Variants in DNER observed in about 807,000 individuals in gnomAD.
DNER encodes the protein delta and Notch-like epidermal growth factor-related receptor.
DNER carries 33 observed loss-of-function variants against 78.2 expected under a neutral mutation model. The observed-to-expected ratio is 0.42, with a 90% CI of 0.32 to 0.56. The LOEUF is 0.56. Ranked by LOEUF, DNER falls within the 20% of genes least tolerant of loss-of-function variation. The probability of loss-of-function intolerance (pLI) is 0.11; values close to 1 mark genes in which losing one functional copy is unlikely to be tolerated. For missense variants in DNER, 918 were observed against 975.3 expected (o/e 0.94, Z 0.78); for synonymous variants, 417 against 384.8 (o/e 1.08, Z -0.98).
chr2:229,606,665 G>T (rs1448197877), intron 1 of DNER, among the ~76,000 whole-genome samples: 1 of 152,136 alleles, frequency 6.6e-6, no homozygotes, highest in Non-Finnish European at 1.5e-5. Context: ...GGCCAAGGCA[G>T]GAGGATCACT....
At chr2:229,390,587 G>A (rs887194523) in intron 10 of DNER, among the ~76,000 whole-genome samples, 3 of 151,988 alleles carry the variant, frequency 2.0e-5, no homozygotes, top group African/African-American at 7.2e-5. Context: ...GAGATGGTGG[G>A]GAAAAAAATA....
At chr2:229,526,987 C>T (rs945329048) in intron 5 of DNER, among the ~76,000 whole-genome samples, 10 of 151,938 alleles carry the variant, frequency 6.6e-5, no homozygotes, top group African/African-American at 1.7e-4. Flanking sequence ...CTACGGTCCT[C>T]GGTGTGGAAG....
At chr2:229,614,788 A>G (rs1432941431) in intron 1 of DNER, among the ~76,000 whole-genome samples, 1 of 152,178 alleles carries the variant, frequency 6.6e-6, no homozygotes, top group Non-Finnish European at 1.5e-5. Context: ...CACTTTCCTC[A>G]TGGCTGGTTA....
rs115199456 is a variant in DNER, at chr2:229,708,525, T to C, written c.276+5623A>G. On this transcript the variant is annotated intron_variant, in intron 1 of 12. Transcript: ENST00000341772. ...GTTTTCTGTTTGGTGGGGGCAGGAT[T>C]CTGCAGTCACTGCCTCTGGGTTAAG... Among the ~76,000 whole-genome samples, 1,396 of 152,298 alleles carry C rather than the reference T, an allele frequency of 9.2e-3. 21 individuals are homozygous for C. The highest frequency in any genetic ancestry group is 0.032 in the African/African-American group (1,325 of 41,560).
At chr2:229,397,060 T>C (rs1178194260) in intron 10 of DNER, among the ~76,000 whole-genome samples, 2 of 152,062 alleles carry the variant, frequency 1.3e-5, no homozygotes, top group Non-Finnish European at 2.9e-5. Flanking sequence ...TAAAACCTAG[T>C]AATAAAGGAA....
intron 5 of DNER, among the ~76,000 whole-genome samples, chr2:229,532,998 G>A (rs1696334574): frequency 6.6e-6 from 1 of 152,148 alleles, no homozygotes; most frequent in Non-Finnish European, 1.5e-5. Flanking sequence ...AAGATGGGGA[G>A]TTTGTCAAAT....
In DNER at chr2:229,509,203, C is replaced by T. The variant is rs145248824; in HGVS notation, c.1147+3580G>A. On this transcript the variant is annotated intron_variant, in intron 6 of 12. Coordinates refer to ENST00000341772, the MANE Select transcript of DNER (RefSeq NM_139072.4). ...AAAAAAGATGAATCCCCTTTGAGAA[C>T]AAACCTAGATAAAAAATATCAAACT... is the stretch of plus-strand genomic sequence containing the variant. Among the ~76,000 whole-genome samples the T allele has an allele frequency of 2.0e-4, 31 of 152,252 alleles. No individual in the cohort carries two copies. In the East Asian group the frequency reaches 6.0e-3, roughly 29 times the overall value.
intron 1 of DNER, among the ~76,000 whole-genome samples, chr2:229,704,570 A>G (rs1574576135): frequency 2.6e-5 from 4 of 151,484 alleles, no homozygotes; most frequent in South Asian, 4.2e-4. Context: ...TCTCAAAAGC[A>G]TTATGTTCAG....
chr2:229,514,132 G>A (rs1306790998), intron 5 of DNER, among the ~76,000 whole-genome samples: 1 of 152,056 alleles, frequency 6.6e-6, no homozygotes, highest in Non-Finnish European at 1.5e-5. Flanking sequence ...TTATGTTTTT[G>A]TAGCTATTGA....
At chr2:229,454,699 T>C (rs1430640421) in intron 7 of DNER, among the ~76,000 whole-genome samples, 1 of 151,950 alleles carries the variant, frequency 6.6e-6, no homozygotes, top group East Asian at 1.9e-4. Flanking sequence ...AAAGGCCCAC[T>C]GCTATTAAAT....
chr2:229,499,353 G>A (rs1055953132), intron 6 of DNER, among the ~76,000 whole-genome samples: 2 of 149,324 alleles, frequency 1.3e-5, no homozygotes, highest in Non-Finnish European at 3.0e-5. Flanking sequence ...TTTGAGGCAG[G>A]AGAATCGCTT....
At chr2:229,544,845 T>C (rs1448510983) in intron 5 of DNER, among the ~76,000 whole-genome samples, 2 of 152,186 alleles carry the variant, frequency 1.3e-5, no homozygotes, top group Non-Finnish European at 2.9e-5. Flanking sequence ...GAAAATGCTA[T>C]ATTTAAGCAG....
intron 7 of DNER, among the ~76,000 whole-genome samples, chr2:229,460,114 G>A (rs1274720080): frequency 2.4e-5 from 3 of 126,066 alleles, no homozygotes; most frequent in Admixed American, 1.0e-4. Flanking sequence ...CAGAGATCGC[G>A]CCACTACACT....
chr2:229,465,238 T>C (rs2154210973), intron 7 of DNER, among the ~76,000 whole-genome samples: 1 of 152,340 alleles, frequency 6.6e-6, no homozygotes, highest in South Asian at 2.1e-4. Flanking sequence ...CACCATGGAA[T>C]ACTATGCAGC....
chr2:229,519,664 A>G (rs1478991316), intron 5 of DNER, among the ~76,000 whole-genome samples: 2 of 152,148 alleles, frequency 1.3e-5, no homozygotes, highest in African/African-American at 4.8e-5. Context: ...ACAGCGGCAT[A>G]CAGTCCCCTC....
intron 1 of DNER, among the ~76,000 whole-genome samples, chr2:229,646,354 C>T (rs1221905284): frequency 6.6e-6 from 1 of 152,210 alleles, no homozygotes; most frequent in African/African-American, 2.4e-5. Flanking sequence ...ATTGTAAACA[C>T]AGATGGCTTG....
chr2:229,465,008 G>A (rs1357658844), intron 7 of DNER, among the ~76,000 whole-genome samples: 2 of 152,182 alleles, frequency 1.3e-5, no homozygotes, highest in Non-Finnish European at 2.9e-5. Flanking sequence ...TGGAAATTGT[G>A]GAAGACAGTG....
chr2:229,669,641 T>C (rs1212321538), intron 1 of DNER, among the ~76,000 whole-genome samples: 2 of 152,144 alleles, frequency 1.3e-5, no homozygotes, highest in Non-Finnish European at 2.9e-5. Flanking sequence ...CCCTTAAAAG[T>C]TGTATTCCTA....
chr2:229,463,992 A>G (rs1694753659), intron 7 of DNER, among the ~76,000 whole-genome samples: 1 of 152,210 alleles, frequency 6.6e-6, no homozygotes, highest in African/African-American at 2.4e-5. Flanking sequence ...CACCAGCTCT[A>G]ACTGTGGCAG....
Sources: gnomAD v4.1 joint callset for allele counts (sites outside exome capture counted in the v4.1 genomes callset) on GRCh38, gnomAD v4.1.1 for gene constraint, MANE v1.5 for transcripts, NCBI Gene and HGNC (gene_info 2026-07-23, HGNC 2026-07-21) for gene names.